ATP8A1: variants seen among roughly 807,000 people sequenced by gnomAD.
ATP8A1 encodes the protein phospholipid-transporting ATPase IA.
A neutral mutation model predicts 177.7 loss-of-function variants in ATP8A1; 90 were observed. The observed-to-expected ratio is 0.51, with a 90% CI of 0.43 to 0.60. ATP8A1 has a LOEUF of 0.60. Among genes scored for constraint, ATP8A1 ranks in the 20% least tolerant of loss-of-function variants. The probability of loss-of-function intolerance (pLI) is 0.00; values close to 1 mark genes in which losing one functional copy is unlikely to be tolerated. For missense variants in ATP8A1, 1,072 were observed against 1,392.8 expected (o/e 0.77, Z 3.67); for synonymous variants, 493 against 485.9 (o/e 1.01, Z -0.19).
At chr4:42,656,790 C>A in intron 1 of ATP8A1, 35 bp downstream of exon 1, 1 of 1,529,216 alleles carries the variant, frequency 6.5e-7, no homozygotes, top group Non-Finnish European at 8.8e-7. Context: ...CGCTTCCCGA[C>A]CCCGGGCTAG....
At chr4:42,621,566 C>T (rs934285351) in intron 4 of ATP8A1, among the ~76,000 whole-genome samples, 16 of 152,088 alleles carry the variant, frequency 1.1e-4, no homozygotes, top group African/African-American at 3.9e-4. Context: ...TCAATGAAAT[C>T]AGAGATGACA....
At chr4:42,549,110 A>G (rs138320254) in intron 18 of ATP8A1, 48 bp from the exon 19 acceptor site, 1 of 1,446,478 alleles carries the variant, frequency 6.9e-7, no homozygotes, top group African/African-American at 1.4e-5. Context: ...AAAAGTCTTA[A>G]GCTTCTAGGA....
chr4:42,465,836 T>C (rs1025516282), intron 25 of ATP8A1, among the ~76,000 whole-genome samples: 4 of 152,034 alleles, frequency 2.6e-5, no homozygotes, highest in African/African-American at 7.2e-5. Context: ...ATTGAGACCA[T>C]CCTGGCTAAC....
intron 6 of ATP8A1, 90 bp downstream of exon 6, chr4:42,600,388 C>A (rs557729811): frequency 1.1e-5 from 11 of 999,322 alleles, no homozygotes; most frequent in South Asian, 5.4e-5. Flanking sequence ...AAATTCTTCA[C>A]ATTTGCTCAT....
chr4:42,408,584 A>G lies in ATP8A1; in HGVS notation c.*4332T>C, dbSNP rs1336020989. The G allele has an allele frequency of 6.6e-6, 1 of 152,182 alleles. No homozygotes were observed. Among genetic ancestry groups the G allele is most frequent in the Admixed American group, 6.5e-5 (1 of 15,270 alleles). The allele number at this position is 152,182 out of a possible 1,614,324, so 9.4% of individuals were successfully genotyped here. A position where few individuals can be genotyped will look rare whatever the true frequency, so the allele number is the denominator to read the frequency against. On this transcript the variant is annotated 3_prime_UTR_variant, in exon 37 of 37. Transcript: ENST00000381668. ...AGAAAACTACTATAACCACAGATTC[A>G]ATACTCTCCACTCATGCAGCTTCAC...
intron 33 of ATP8A1, among the ~76,000 whole-genome samples, chr4:42,439,056 A>C (rs1297988420): frequency 2.2e-4 from 1 of 4,562 alleles, no homozygotes; most frequent in Non-Finnish European, 8.2e-3. Context: ...AAATGACTAT[A>C]AAGTCCTGAT....
At chr4:42,495,827 C>T (rs780250488) in intron 24 of ATP8A1, among the ~76,000 whole-genome samples, 5 of 152,010 alleles carry the variant, frequency 3.3e-5, no homozygotes, top group East Asian at 1.9e-4. Context: ...GGCGGCCCAA[C>T]GAACGCATTT....
chr4:42,574,459 C>T (rs1043958877), intron 14 of ATP8A1, among the ~76,000 whole-genome samples, 160 bp downstream of exon 14: 14 of 152,100 alleles, frequency 9.2e-5, no homozygotes, highest in African/African-American at 2.4e-4. Flanking sequence ...AAACTAGAAA[C>T]GCGAAATATA....
intron 33 of ATP8A1, among the ~76,000 whole-genome samples, chr4:42,428,034 C>G (rs1253473636): frequency 6.6e-6 from 1 of 152,164 alleles, no homozygotes; most frequent in Non-Finnish European, 1.5e-5. Context: ...ATCCCTCGGT[C>G]TGAATGTTAT....
chr4:42,628,259 A>G (rs969071557), intron 1 of ATP8A1, among the ~76,000 whole-genome samples: 1 of 152,204 alleles, frequency 6.6e-6, no homozygotes, highest in African/African-American at 2.4e-5. Flanking sequence ...AACTATGTGA[A>G]AAGCTGGCCT....
Position 42,592,254 on chromosome 4 carries a change from CAG to C in ATP8A1, c.451-1372_451-1371del, listed in dbSNP as rs538119534. 1.8e-4 allele frequency among the ~76,000 whole-genome samples: 28 copies of C among 152,216 alleles called. No homozygotes were observed. The East Asian group carries it at 5.2e-3, about 28-fold the overall frequency. On this transcript the variant is annotated intron_variant, in intron 6 of 36. Transcript: ENST00000381668. Reference sequence around the variant, plus strand: ...TCGCTGTGGAGACCATATTAAGACACAGAAACTATTTCGATAAATTGAAATTC... The same window carrying C: ...TCGCTGTGGAGACCATATTAAGACACAAACTATTTCGATAAATTGAAATTC...
chr4:42,512,949 G>C (rs1439022866), intron 22 of ATP8A1, among the ~76,000 whole-genome samples: 3 of 152,190 alleles, frequency 2.0e-5, no homozygotes, highest in Non-Finnish European at 4.4e-5. Context: ...ATTCTCTGTT[G>C]CAACAACTTA....
chr4:42,533,360 G>A (rs1415692151), intron 20 of ATP8A1, among the ~76,000 whole-genome samples: 1 of 152,142 alleles, frequency 6.6e-6, no homozygotes, highest in Non-Finnish European at 1.5e-5. Flanking sequence ...TGGGTGCTGG[G>A]TAAGTCCTGT....
intron 27 of ATP8A1, among the ~76,000 whole-genome samples, chr4:42,456,740 C>T (rs1325931736): frequency 6.6e-6 from 1 of 152,118 alleles, no homozygotes; most frequent in African/African-American, 2.4e-5. Flanking sequence ...CAAAACCTAA[C>T]AACACCGACA....
intron 24 of ATP8A1, among the ~76,000 whole-genome samples, chr4:42,486,414 A>G (rs1722209474): frequency 6.6e-6 from 1 of 152,188 alleles, no homozygotes; most frequent in African/African-American, 2.4e-5. Context: ...CATAAAGTAC[A>G]TTGATTTCTT....
At position 42,624,535 on chromosome 4, in the gene ATP8A1, C is replaced by T. The variant is rs2109483630; in HGVS notation, c.363+1G>A. 7.1e-7 allele frequency: 1 copy of T among 1,406,974 alleles called. No homozygotes were observed. Among genetic ancestry groups the T allele is most frequent in the East Asian group, 2.5e-5 (1 of 39,722 alleles). The allele number at this position is 1,406,974 out of a possible 1,614,324, so 87.2% of individuals were successfully genotyped here. A position where few individuals can be genotyped will look rare whatever the true frequency, so the allele number is the denominator to read the frequency against. ...CAATTATGAAAAAATAGAATACTTA[C>T]AATATCTTCTATTATCTCTTTGATA... is the stretch of plus-strand genomic sequence containing the variant. On this transcript the variant is annotated splice_donor_variant, in intron 4 of 36. Coordinates refer to ENST00000381668, the MANE Select transcript of ATP8A1 (RefSeq NM_006095.2). LOFTEE classifies it high-confidence loss of function.
At chr4:42,556,555 A>G (rs1300620758) in intron 15 of ATP8A1, among the ~76,000 whole-genome samples, 4 of 152,148 alleles carry the variant, frequency 2.6e-5, no homozygotes, top group Non-Finnish European at 4.4e-5. Context: ...CTGAGCAAAT[A>G]TTTATAAACA....
At chr4:42,606,438 C>T (rs1269725448) in intron 5 of ATP8A1, among the ~76,000 whole-genome samples, 3 of 152,168 alleles carry the variant, frequency 2.0e-5, no homozygotes, top group African/African-American at 7.2e-5. Context: ...AGTTGACTAG[C>T]CAAGGCAAAC....
intron 31 of ATP8A1, 106 bp from the exon 32 acceptor site, chr4:42,444,740 T>A: frequency 1.8e-6 from 2 of 1,131,084 alleles, no homozygotes; most frequent in Non-Finnish European, 2.6e-6. Context: ...ACTATGGGAC[T>A]AGGAGACTGC....
Sources: allele counts gnomAD v4.1 joint callset (sites outside exome capture counted in the v4.1 genomes callset), GRCh38; gene constraint gnomAD v4.1.1; transcripts MANE v1.5; gene names NCBI Gene and HGNC (gene_info 2026-07-23, HGNC 2026-07-21).